The following CHRM3 variants were observed in gnomAD, a reference collection of about 807,000 sequenced individuals.
CHRM3 encodes the protein muscarinic acetylcholine receptor M3.
In CHRM3, 11 loss-of-function variants were observed where a neutral mutation model predicts 41.8. The ratio of observed to expected loss-of-function variants is 0.26; its 90% confidence interval spans 0.17 to 0.44. CHRM3 has a LOEUF of 0.44. Ranked by LOEUF, CHRM3 falls within the 20% of genes least tolerant of loss-of-function variation. CHRM3 has a pLI of 1.00. For synonymous variants in CHRM3, 297 were observed against 301.4 expected (o/e 0.99, Z 0.15); for missense variants, 571 against 745.4 (o/e 0.77, Z 2.72).
intron 4 of CHRM3, among the ~76,000 whole-genome samples, chr1:239,636,159 A>G (rs1670443788): frequency 6.6e-6 from 1 of 152,202 alleles, no homozygotes; most frequent in South Asian, 2.1e-4. Flanking sequence ...AACCTGGCGC[A>G]TGCACAATGA....
At chr1:239,890,120 GGAGAAACCCC>G (rs1270235502) in intron 6 of CHRM3, among the ~76,000 whole-genome samples, 1 of 152,102 alleles carries the variant, frequency 6.6e-6, no homozygotes, top group Non-Finnish European at 1.5e-5. Flanking sequence ...TGACCAACAT[GGAGAAACCCC>G]GTCTCTACCA....
chr1:239,405,605 T>TA lies in CHRM3; in HGVS notation c.-521+18389dup, dbSNP rs201447816. 2.3e-3 allele frequency among the ~76,000 whole-genome samples: 343 copies of TA among 148,948 alleles called. 5 individuals carry two copies. The East Asian group carries it at 0.043, about 19-fold the overall frequency. On this transcript the variant is annotated intron_variant, in intron 1 of 6. Coordinates refer to ENST00000676153, the MANE Select transcript of CHRM3 (RefSeq NM_001375978.1). ...CTGGGGCTTCAATTACATTTTTCTT[T>TA]AAAAAAAAAAATTGTTCTTTTAGAA...
intron 2 of CHRM3, among the ~76,000 whole-genome samples, chr1:239,506,481 C>G (rs1012765865): frequency 2.6e-5 from 4 of 152,082 alleles, no homozygotes; most frequent in Non-Finnish European, 5.9e-5. Context: ...GCATGGAAGT[C>G]AATAATGGAG....
chr1:239,842,049 G>A (rs1398617887), intron 6 of CHRM3, among the ~76,000 whole-genome samples: 1 of 152,080 alleles, frequency 6.6e-6, no homozygotes, highest in African/African-American at 2.4e-5. Context: ...GCTGCTCCTT[G>A]TTTCATGAAT....
At chr1:239,876,740 C>G (rs1227622345) in intron 6 of CHRM3, among the ~76,000 whole-genome samples, 1 of 152,250 alleles carries the variant, frequency 6.6e-6, no homozygotes, top group South Asian at 2.1e-4. Context: ...AAGTAGGAAG[C>G]CAATTGAGGT....
chr1:239,579,157 G>T, intron 3 of CHRM3, among the ~76,000 whole-genome samples: 1 of 152,178 alleles, frequency 6.6e-6, no homozygotes. Context: ...AATAGACCTT[G>T]TTAAATGCCT....
chr1:239,440,525 G>A (rs548190362), intron 1 of CHRM3, among the ~76,000 whole-genome samples: 2 of 152,296 alleles, frequency 1.3e-5, no homozygotes, highest in South Asian at 4.1e-4. Flanking sequence ...AAACTAGGCT[G>A]CTGGTCTTAG....
At chr1:239,485,313 A>ATTG (rs1395804742) in intron 1 of CHRM3, among the ~76,000 whole-genome samples, 1 of 152,024 alleles carries the variant, frequency 6.6e-6, no homozygotes, top group Non-Finnish European at 1.5e-5. Context: ...TATTATTATT[A>ATTG]TTGAGACAGG....
At chr1:239,502,182 T>A (rs1668286023) in intron 2 of CHRM3, among the ~76,000 whole-genome samples, 1 of 151,994 alleles carries the variant, frequency 6.6e-6, no homozygotes, top group Admixed American at 6.6e-5. Flanking sequence ...TGATAGACAA[T>A]TATCAAGATT....
intron 1 of CHRM3, among the ~76,000 whole-genome samples, chr1:239,411,977 T>A (rs1455270909): frequency 2.0e-5 from 3 of 151,760 alleles, no homozygotes; most frequent in African/African-American, 7.3e-5. Context: ...GTTTTGCTTT[T>A]TGGCTTTTAG....
At chr1:239,661,729 A>G (rs1054730160) in intron 4 of CHRM3, among the ~76,000 whole-genome samples, 1 of 152,188 alleles carries the variant, frequency 6.6e-6, no homozygotes, top group Non-Finnish European at 1.5e-5. Context: ...TAATACTATA[A>G]TGGTGGATAC....
chr1:239,453,614 A>AT (rs1215478327), intron 1 of CHRM3, among the ~76,000 whole-genome samples: 1 of 152,232 alleles, frequency 6.6e-6, no homozygotes, highest in African/African-American at 2.4e-5. Context: ...AAGTTTAGCT[A>AT]TTAAAAAAAG....
chr1:239,617,761 A>G (rs543450590), intron 3 of CHRM3, among the ~76,000 whole-genome samples: 1 of 152,286 alleles, frequency 6.6e-6, no homozygotes, highest in East Asian at 1.9e-4. Context: ...TAAAATATCT[A>G]TAGTTTTTAT....
At chr1:239,396,894 C>A (rs1293966141) in intron 1 of CHRM3, among the ~76,000 whole-genome samples, 1 of 152,160 alleles carries the variant, frequency 6.6e-6, no homozygotes. Flanking sequence ...TTAAAATCTG[C>A]AACTTATTCC....
chr1:239,771,486 C>A (rs918002162), intron 5 of CHRM3, among the ~76,000 whole-genome samples: 6 of 152,216 alleles, frequency 3.9e-5, no homozygotes, highest in Non-Finnish European at 8.8e-5. Context: ...CAGAAACACT[C>A]GCTTCTGAGC....
chr1:239,674,936 T>G (rs952426968), intron 4 of CHRM3, among the ~76,000 whole-genome samples: 1 of 152,134 alleles, frequency 6.6e-6, no homozygotes, highest in Non-Finnish European at 1.5e-5. Flanking sequence ...AAATTATTAC[T>G]CCTCCTCGCT....
At chr1:239,788,308 T>C (rs569104183) in intron 5 of CHRM3, among the ~76,000 whole-genome samples, 2 of 152,236 alleles carry the variant, frequency 1.3e-5, no homozygotes, top group African/African-American at 4.8e-5. Context: ...GTAGAGCAAA[T>C]ATTTTAATAT....
intron 5 of CHRM3, among the ~76,000 whole-genome samples, chr1:239,815,821 T>G (rs1206380001): frequency 6.6e-6 from 1 of 152,212 alleles, no homozygotes; most frequent in African/African-American, 2.4e-5. Context: ...GGCTACATCT[T>G]AGGTCCAGGT....
At chr1:239,434,051 AG>A (rs961404027) in intron 1 of CHRM3, among the ~76,000 whole-genome samples, 34 of 152,276 alleles carry the variant, frequency 2.2e-4, no homozygotes, top group African/African-American at 7.5e-4. Context: ...TGTTGTCCAT[AG>A]TGGTTCAACA....
Sources: gnomAD v4.1 joint callset for allele counts (sites outside exome capture counted in the v4.1 genomes callset) on GRCh38, gnomAD v4.1.1 for gene constraint, MANE v1.5 for transcripts, NCBI Gene and HGNC (gene_info 2026-07-23, HGNC 2026-07-21) for gene names.